CYLC2: variants seen among roughly 807,000 people sequenced by gnomAD.
The protein encoded by CYLC2 is cylicin 2.
In CYLC2, 30 loss-of-function variants were observed where a neutral mutation model predicts 26.1. The observed-to-expected ratio is 1.15, with a 90% CI of 0.86 to 1.56. The LOEUF is 1.56. CYLC2 is among the 40% of genes most tolerant of loss of function. The probability of loss-of-function intolerance (pLI) is 0.00; values close to 1 mark genes in which losing one functional copy is unlikely to be tolerated. For missense variants in CYLC2, 498 were observed against 394.4 expected (o/e 1.26, Z -2.23); for synonymous variants, 158 against 132.8 (o/e 1.19, Z -1.31).
chr9:103,013,025 T>C (rs544031728), intron 6 of CYLC2, among the ~76,000 whole-genome samples: 81 of 148,492 alleles, frequency 5.5e-4, no homozygotes, highest in South Asian at 1.0e-3. Context: ...ATTTTATTGA[T>C]AGCAAGATTA....
At chr9:102,998,374 T>C (rs925868193) in intron 1 of CYLC2, among the ~76,000 whole-genome samples, 1 of 151,954 alleles carries the variant, frequency 6.6e-6, no homozygotes, top group Non-Finnish European at 1.5e-5. Context: ...ATAAGGGATA[T>C]ACTAAGTTTA....
intron 3 of CYLC2, among the ~76,000 whole-genome samples, chr9:103,004,171 T>C (rs1829315770): frequency 1.3e-5 from 2 of 152,108 alleles, no homozygotes; most frequent in Non-Finnish European, 2.9e-5. Context: ...TTATTTCAGT[T>C]ACCAATCTGA....
intron 6 of CYLC2, among the ~76,000 whole-genome samples, chr9:103,015,597 A>G (rs1313901841): frequency 1.4e-5 from 2 of 146,290 alleles, no homozygotes; most frequent in African/African-American, 5.0e-5. Flanking sequence ...AGCTAATTTT[A>G]ACATAAATCA....
chr9:103,007,386 A>G (rs947188), intron 5 of CYLC2, among the ~76,000 whole-genome samples: 112,551 of 151,972 alleles, frequency 0.74, 42,222 homozygotes, highest in East Asian at 1. Flanking sequence ...GTTTATTACC[A>G]ACAAGAACAA....
chr9:103,014,472 C>CATAATATGTATATTACGCAATATAA (rs1829466797), intron 6 of CYLC2, among the ~76,000 whole-genome samples: 1 of 135,202 alleles, frequency 7.4e-6, no homozygotes, highest in African/African-American at 2.7e-5. Context: ...ACGTAATATA[C>CATAATATGTATATTACGCAATATAA]ATAATATGTA....
At chr9:103,004,546 A>T in intron 3 of CYLC2, 149 bp from the exon 4 acceptor site, 1 of 592,404 alleles carries the variant, frequency 1.7e-6, no homozygotes. Flanking sequence ...ATAAAAAAGC[A>T]AAATAAAGGA....
chr9:103,013,520 T>C (rs1212581450), intron 6 of CYLC2, among the ~76,000 whole-genome samples: 1 of 112,224 alleles, frequency 8.9e-6, no homozygotes, highest in Non-Finnish European at 1.6e-5. Flanking sequence ...AAGAAATAAA[T>C]TATATTAAGT....
intron 5 of CYLC2, among the ~76,000 whole-genome samples, chr9:103,007,260 G>C (rs1056226741): frequency 1.3e-5 from 2 of 152,064 alleles, no homozygotes; most frequent in Non-Finnish European, 2.9e-5. Context: ...TCTGTCATGA[G>C]GGAGAGGTTA....
At chr9:103,015,077 T>C (rs1829482224) in intron 6 of CYLC2, among the ~76,000 whole-genome samples, 1 of 120,022 alleles carries the variant, frequency 8.3e-6, no homozygotes, top group African/African-American at 3.0e-5. Flanking sequence ...ATAATACATG[T>C]AATATACATA....
chr9:103,011,076 T>C (rs1829402003), intron 5 of CYLC2, among the ~76,000 whole-genome samples: 1 of 152,128 alleles, frequency 6.6e-6, no homozygotes, highest in Non-Finnish European at 1.5e-5. Flanking sequence ...TAATGTTCTC[T>C]AACCCCTCCA....
chr9:103,013,557 A>C (rs1829442651), intron 6 of CYLC2, among the ~76,000 whole-genome samples: 1 of 113,224 alleles, frequency 8.8e-6, no homozygotes, highest in Admixed American at 1.1e-4. Context: ...TAAAATTAAT[A>C]TATGTATATC....
chr9:103,013,661 T>A lies in CYLC2; in HGVS notation c.*816+1564T>A, dbSNP rs187856105. On this transcript the variant is annotated intron_variant, in intron 6 of 7. Transcript: ENST00000374798. ...ATATTTATATAAAAATATAAATATA[T>A]TATATTAAATAATATATATGATATA... Among the ~76,000 whole-genome samples the A allele has an allele frequency of 9.0e-3, 999 of 111,240 alleles. 19 individuals are homozygous for A. The highest frequency in any genetic ancestry group is 0.053 in the Admixed American group (442 of 8,282). The allele number at this position is 111,240 out of a possible 152,430, so 73.0% of individuals were successfully genotyped here.
At position 103,005,079 on chromosome 9, in the gene CYLC2, G is replaced by C; in HGVS notation, c.448G>C (p.Gly150Arg). ...DSKKGKDIEK[G>R]KEEKLDAKKD... is the part of the protein sequence containing the mutation. ...AAAGAAAGGCAAGGATATAGAGAAA[G>C]GAAAAGAAGAAAAGCTAGATGCAAA... is the stretch of plus-strand genomic sequence containing the variant. Residue 150 changes from glycine to arginine, a missense_variant, in exon 5 of 8, where the codon GGA (glycine) becomes CGA (arginine). By Grantham distance (125) the Gly-to-Arg change is moderately radical. Coordinates refer to ENST00000374798, the MANE Select transcript of CYLC2 (RefSeq NM_001340.5). 6.2e-7 allele frequency: 1 copy of C among 1,605,854 alleles called. No homozygotes were observed. Among genetic ancestry groups the C allele is most frequent in the South Asian group, 1.1e-5 (1 of 90,330 alleles).
At chr9:103,012,406 T>A (rs1358196924) in intron 6 of CYLC2, among the ~76,000 whole-genome samples, 1 of 152,052 alleles carries the variant, frequency 6.6e-6, no homozygotes, top group Non-Finnish European at 1.5e-5. Flanking sequence ...ATAAAATAAT[T>A]CCGGTGTTTT....
In CYLC2 at chr9:103,005,132, T is replaced by G; in HGVS notation, c.501T>G (p.Asp167Glu). Residue 167 changes from aspartate to glutamate, a missense_variant, in exon 5 of 8, where the codon GAT becomes GAG. By Grantham distance (45) the Asp-to-Glu change is conservative (BLOSUM62 2). Transcript: ENST00000374798. ...AKKDSKKGKK[D>E]AEKGKDSATE... The stretch of plus-strand genomic sequence containing the variant: ...AAGATAGCAAAAAAGGTAAAAAGGA[T>G]GCAGAGAAGGGCAAAGACTCAGCAA... The G allele has an allele frequency of 6.2e-7, 1 of 1,607,316 alleles. No individual in the cohort carries two copies. The highest frequency in any genetic ancestry group is 2.2e-5 in the East Asian group (1 of 44,744).
chr9:102,999,645 A>G (rs1220478316), intron 1 of CYLC2, among the ~76,000 whole-genome samples: 1 of 151,242 alleles, frequency 6.6e-6, no homozygotes, highest in Non-Finnish European at 1.5e-5. Context: ...TATGTTCTCT[A>G]TTGCTGGTTT....
intron 2 of CYLC2, among the ~76,000 whole-genome samples, chr9:103,002,508 G>A (rs554439524): frequency 6.6e-6 from 1 of 151,822 alleles, no homozygotes; most frequent in East Asian, 2.0e-4. Flanking sequence ...TGAGACTACA[G>A]GCGCCTGCCA....
At chr9:103,017,630 T>A (rs942410171) in intron 7 of CYLC2, among the ~76,000 whole-genome samples, 1 of 152,058 alleles carries the variant, frequency 6.6e-6, no homozygotes, top group Non-Finnish European at 1.5e-5. Flanking sequence ...AGAATATCAA[T>A]TGGTCCCTCT....
In CYLC2 at chr9:103,004,984, G is replaced by C. The variant is rs780357420; in HGVS notation, c.353G>C (p.Gly118Ala). The C allele has an allele frequency of 6.3e-7, 1 of 1,581,238 alleles. No individual in the cohort carries two copies. The highest frequency in any genetic ancestry group is 1.4e-5 in the African/African-American group (1 of 72,388). Residue 118 changes from glycine (G) to alanine (A), a missense_variant, in exon 5 of 8, where the codon GGT (glycine) becomes GCT (alanine). Gly to Ala is a moderately conservative substitution (Grantham distance 60, BLOSUM62 0). Transcript: ENST00000374798. Reference protein sequence around the residue: ...DSKAAEIGKKGEDKTTQKDTT... With the variant: ...DSKAAEIGKKAEDKTTQKDTT... The stretch of plus-strand genomic sequence containing the variant: ...TTATCCCCAGAAATTGGTAAGAAAG[G>C]TGAAGACAAGACAACACAGAAGGAC...
Sources: allele counts gnomAD v4.1 joint callset (sites outside exome capture counted in the v4.1 genomes callset), GRCh38; gene constraint gnomAD v4.1.1; transcripts MANE v1.5; gene names NCBI Gene and HGNC (gene_info 2026-07-23, HGNC 2026-07-21).